The following NLRP2 variants were observed in gnomAD, a reference collection of about 807,000 sequenced individuals.
NLRP2 encodes the protein NLR family pyrin domain containing 2.
Under a neutral mutation model 97.2 loss-of-function variants are expected in NLRP2, and 107 were observed. That is an observed-to-expected ratio of 1.10 (90% CI 0.94 to 1.29). The LOEUF (loss-of-function observed/expected upper bound fraction) is 1.29. Ranked by LOEUF, NLRP2 falls within the 50% of genes most tolerant of loss-of-function variation. NLRP2 has a pLI of 0.00. For missense variants in NLRP2, 1,495 were observed against 1,330.3 expected (o/e 1.12, Z -1.93); for synonymous variants, 663 against 551.5 (o/e 1.20, Z -2.83).
rs145871372 is a variant in NLRP2 at position 54,982,771 on chromosome 19, G to A, written c.1073G>A (p.Gly358Asp). Reference protein sequence around the residue: ...AEEPIYIRVEGFLEEDRRAYF... With the variant: ...AEEPIYIRVEDFLEEDRRAYF... ...GAGCCGATCTACATAAGGGTGGAGG[G>A]CTTCCTGGAGGAGGACAGGAGGGCC... The change falls in exon 6 of 13, where the codon GGC (glycine) becomes GAC (aspartate). Residue 358 changes from glycine (G) to aspartate (D), a missense_variant. Physicochemically the swap from Gly to Asp is moderately conservative, Grantham distance 94. Transcript: ENST00000448584. The A allele has an allele frequency of 6.2e-7, 1 of 1,614,164 alleles. No individual in the cohort carries two copies.
intron 11 of NLRP2, among the ~76,000 whole-genome samples, chr19:54,995,419 G>A (rs994997500): frequency 1.3e-5 from 2 of 151,230 alleles, no homozygotes; most frequent in African/African-American, 4.9e-5. Context: ...CTCGACCTCC[G>A]GACCTCAGGT....
In NLRP2 at chr19:55,000,795, A is replaced by G; in HGVS notation, c.3086A>G (p.Lys1029Arg). ...GATGACTTTAATGATGAACTCAATA[A>G]GCTGCTGGAAGAAATAGAAGAAAAA... is the stretch of plus-strand genomic sequence containing the variant. The part of the protein sequence containing the change: ...KIDDFNDELN[K>R]LLEEIEEKNP... Residue 1029 changes from lysine to arginine, a missense_variant, in exon 13 of 13, where the codon AAG becomes AGG. Physicochemically the swap from Lys to Arg is conservative, Grantham distance 26. Coordinates refer to ENST00000448584, the MANE Select transcript of NLRP2 (RefSeq NM_017852.5). 1 of 1,613,816 alleles carries G rather than the reference A, an allele frequency of 6.2e-7. No individual in the cohort carries two copies. Among genetic ancestry groups the G allele is most frequent in the African/African-American group, 1.3e-5 (1 of 75,028 alleles).
Position 54,985,227 on chromosome 19 carries a change from A to T in NLRP2, c.2201+10A>T, listed in dbSNP as rs2071977874. 2 of 1,612,864 alleles carry T rather than the reference A, an allele frequency of 1.2e-6. No homozygotes were observed. The highest frequency in any genetic ancestry group is 3.3e-5 in the Admixed American group (2 of 60,006). On this transcript the variant is annotated intron_variant, in intron 7 of 12. Transcript: ENST00000448584. Reference sequence around the variant, plus strand: ...ATCTCCAGAGAGTGGTGTAAGTAGAAACTAATTCATGAACTCAAATCCTTA... The same window carrying T: ...ATCTCCAGAGAGTGGTGTAAGTAGATACTAATTCATGAACTCAAATCCTTA...
intron 11 of NLRP2, among the ~76,000 whole-genome samples, chr19:54,995,754 G>T (rs1020689653): frequency 7.2e-5 from 11 of 151,970 alleles, no homozygotes; most frequent in Admixed American, 3.3e-4. Context: ...AAAAGAATTT[G>T]ACTCGGGATG....
intron 3 of NLRP2, 24 bp from the exon 4 acceptor site, chr19:54,977,728 T>C (rs374651937): frequency 2.5e-6 from 4 of 1,613,244 alleles, no homozygotes; most frequent in Non-Finnish European, 3.4e-6. Context: ...GCAACAGGCC[T>C]GTAATGCCGC....
chr19:54,982,921 T>A lies in NLRP2; in HGVS notation c.1223T>A (p.Leu408Gln). 6.2e-7 allele frequency: 1 copy of A among 1,613,052 alleles called. No individual in the cohort carries two copies. Among genetic ancestry groups the A allele is most frequent in the Non-Finnish European group, 8.5e-7 (1 of 1,180,030 alleles). ...PAVCWIVCTTLKLQMEKGEDP... is the reference protein window; with the variant it reads ...PAVCWIVCTTQKLQMEKGEDP... ...GTGTGCTGGATCGTGTGCACGACTC[T>A]GAAGCTGCAGATGGAGAAGGGGGAG... Residue 408 changes from leucine to glutamine, a missense_variant, in exon 6 of 13, where the codon CTG (leucine) becomes CAG (glutamine). Physicochemically the swap from Leu to Gln is moderately radical, Grantham distance 113 (BLOSUM62 -2). Coordinates refer to ENST00000448584, the MANE Select transcript of NLRP2 (RefSeq NM_017852.5).
At chr19:54,976,334 T>A (rs754087124) in intron 3 of NLRP2, among the ~76,000 whole-genome samples, 1 of 151,188 alleles carries the variant, frequency 6.6e-6, no homozygotes, top group Non-Finnish European at 1.5e-5. Flanking sequence ...ATTACAGGTG[T>A]GAGTCACTGC....
intron 3 of NLRP2, among the ~76,000 whole-genome samples, chr19:54,974,922 C>T (rs2146368438): frequency 6.6e-6 from 1 of 151,980 alleles, no homozygotes; most frequent in African/African-American, 2.4e-5. Flanking sequence ...GCCTCAGCCT[C>T]TAGAATAGCT....
At chr19:54,988,765 G>C (rs985602238) in intron 8 of NLRP2, among the ~76,000 whole-genome samples, 1 of 152,158 alleles carries the variant, frequency 6.6e-6, no homozygotes, top group Admixed American at 6.5e-5. Flanking sequence ...TGATCCACCT[G>C]CCTTGGCCTG....
Position 54,983,069 on chromosome 19 carries a change from C to T in NLRP2, c.1371C>T (p.Gly457=). Residue 457 remains glycine (G), a synonymous_variant, in exon 6 of 13, where the codon GGC becomes GGT. Coordinates refer to ENST00000448584, the MANE Select transcript of NLRP2 (RefSeq NM_017852.5). The part of the protein sequence containing the change: ...LRTLSLLAAQ[G]LWAQTSVLHR... Reference sequence around the variant, plus strand: ...CGCTGAGCCTCCTGGCCGCGCAGGGCCTGTGGGCGCAGACGTCCGTGCTTC... The same window carrying T: ...CGCTGAGCCTCCTGGCCGCGCAGGGTCTGTGGGCGCAGACGTCCGTGCTTC... 1 of 1,612,470 alleles carries T rather than the reference C, an allele frequency of 6.2e-7. No individual in the cohort carries two copies. The highest frequency in any genetic ancestry group is 8.5e-7 in the Non-Finnish European group (1 of 1,179,680).
intron 12 of NLRP2, among the ~76,000 whole-genome samples, chr19:54,999,688 A>G (rs2073072825): frequency 6.6e-6 from 1 of 152,204 alleles, no homozygotes; most frequent in South Asian, 2.1e-4. Flanking sequence ...AGGAATGAAA[A>G]AAAGGATTAA....
At position 54,966,398 on chromosome 19, in the gene NLRP2, G is replaced by A. The variant is rs2070406278; in HGVS notation, c.-87G>A. ...CAATCACAGGGCTGCGGCCGAGAGAGAAGCCTTATTAGAGCTTTCTCAACC... is the reference window on the plus strand; with the variant it reads ...CAATCACAGGGCTGCGGCCGAGAGAAAAGCCTTATTAGAGCTTTCTCAACC... On this transcript the variant is annotated 5_prime_UTR_variant, in exon 1 of 13. Transcript: ENST00000448584. The A allele has an allele frequency of 6.6e-6, 1 of 152,066 alleles. No individual in the cohort carries two copies. Among genetic ancestry groups the A allele is most frequent in the East Asian group, 1.9e-4 (1 of 5,184 alleles). The allele number at this position is 152,066 out of a possible 1,614,324, so 9.4% of individuals were successfully genotyped here. A position where few individuals can be genotyped will look rare whatever the true frequency, so the allele number is the denominator to read the frequency against.
intron 3 of NLRP2, 142 bp from the exon 4 acceptor site, chr19:54,977,609 CT>C (rs2071325049): frequency 3.7e-6 from 3 of 807,282 alleles, no homozygotes; most frequent in East Asian, 4.9e-5. Context: ...TGTACTTTCA[CT>C]TTTACATCCA....
Position 54,982,529 on chromosome 19 carries a change from A to T in NLRP2, c.831A>T (p.Leu277=), listed in dbSNP as rs1278993872. 11 of 1,614,200 alleles carry T rather than the reference A, an allele frequency of 6.8e-6. No homozygotes were observed. The highest frequency in any genetic ancestry group is 5.0e-5 in the Admixed American group (3 of 60,010). ...TGCAGGATGACATTCCACACATCCT[A>T]GCCCAAGCACGGAAAATCTTGTTCG... The part of the protein sequence containing the change: ...PELQDDIPHI[L]AQARKILFVI... Residue 277 remains leucine (L), a synonymous_variant, in exon 6 of 13, where the codon CTA becomes CTT. Transcript: ENST00000448584.
intron 8 of NLRP2, among the ~76,000 whole-genome samples, chr19:54,989,388 C>T (rs1400612951): frequency 6.6e-6 from 1 of 152,212 alleles, no homozygotes; most frequent in East Asian, 2.0e-4. Context: ...GGGAGAATCT[C>T]TTGAATCTGG....
intron 7 of NLRP2, among the ~76,000 whole-genome samples, chr19:54,985,732 A>G (rs978861271): frequency 2.0e-5 from 3 of 151,388 alleles, no homozygotes; most frequent in Non-Finnish European, 2.9e-5. Flanking sequence ...ACAATGGCTC[A>G]CGCCTGTAGT....
At chr19:54,972,795 C>T (rs117938190) in intron 2 of NLRP2, among the ~76,000 whole-genome samples, 1,716 of 152,188 alleles carry the variant, frequency 0.011, 13 homozygotes, top group Non-Finnish European at 0.016. Flanking sequence ...GATATAGAGT[C>T]AGTCTAAGTG....
chr19:54,976,520 T>A (rs559204352), intron 3 of NLRP2, among the ~76,000 whole-genome samples: 1 of 152,024 alleles, frequency 6.6e-6, no homozygotes, highest in South Asian at 2.1e-4. Context: ...CTAATTTTTG[T>A]ATTTTTAGTA....
intron 12 of NLRP2, among the ~76,000 whole-genome samples, chr19:54,999,114 C>G (rs1022365093): frequency 2.7e-5 from 4 of 147,712 alleles, no homozygotes; most frequent in African/African-American, 1.0e-4. Flanking sequence ...CCCTCACCTC[C>G]CGGACAGGGC....
Sources: gnomAD v4.1 joint callset for allele counts (sites outside exome capture counted in the v4.1 genomes callset) on GRCh38, gnomAD v4.1.1 for gene constraint, MANE v1.5 for transcripts, NCBI Gene and HGNC (gene_info 2026-07-23, HGNC 2026-07-21) for gene names.